Variants in HFM1 observed in about 807,000 individuals in gnomAD.
The protein encoded by HFM1 is probable ATP-dependent DNA helicase HFM1.
A neutral mutation model predicts 192.1 loss-of-function variants in HFM1; 169 were observed. The observed-to-expected ratio is 0.88, with a 90% CI of 0.78 to 1.00. HFM1 has a LOEUF of 1.00. HFM1 is among the 50% of genes least tolerant of loss of function. The pLI, the probability that HFM1 is intolerant of heterozygous loss-of-function variation, is 0.00. For synonymous variants in HFM1, 525 were observed against 537.8 expected, an observed-to-expected ratio of 0.98 and a Z score of 0.33; for missense variants, 1,661 against 1,668.0, an observed-to-expected ratio of 1.00 and a Z score of 0.07.
intron 30 of HFM1, among the ~76,000 whole-genome samples, chr1:91,281,052 A>G (rs1667417155): frequency 6.6e-6 from 1 of 152,212 alleles, no homozygotes; most frequent in African/African-American, 2.4e-5. Flanking sequence ...AGGGGGCACA[A>G]TCAGATCTGC....
Position 91,273,815 on chromosome 1 carries a change from C to A in HFM1, c.3669G>T (p.Arg1223Ser). 6.7e-7 allele frequency: 1 copy of A among 1,485,802 alleles called. No individual in the cohort carries two copies. Among genetic ancestry groups the A allele is most frequent in the Non-Finnish European group, 9.3e-7 (1 of 1,072,092 alleles). The allele number at this position is 1,485,802 out of a possible 1,614,324, so 92.0% of individuals were successfully genotyped here. The change falls in exon 34 of 39, where the codon AGG becomes AGT. Residue 1223 changes from arginine to serine, a missense_variant and splice_region_variant. Coordinates refer to ENST00000370425, the MANE Select transcript of HFM1 (RefSeq NM_001017975.6). ...TPKPSLPSIS[R>S]SEYLNISELP... ...ATTCAGATATGTTTAAATATTCTGA[C>A]CTTTATAAAGATAAAACCATGAAAA...
intron 1 of HFM1, 73 bp from the exon 2 acceptor site, chr1:91,401,182 A>C: frequency 1.5e-6 from 1 of 686,238 alleles, no homozygotes; most frequent in Non-Finnish European, 2.4e-6. Context: ...ATAATCACTA[A>C]TTTTCCACAG....
intron 21 of HFM1, 85 bp downstream of exon 21, chr1:91,324,590 T>C: frequency 1.5e-6 from 1 of 674,114 alleles, no homozygotes; most frequent in Non-Finnish European, 2.6e-6. Context: ...TCTTAAATTA[T>C]ATGAGATACA....
intron 18 of HFM1, among the ~76,000 whole-genome samples, chr1:91,348,986 T>C (rs1315490860): frequency 1.3e-5 from 2 of 150,538 alleles, no homozygotes; most frequent in East Asian, 2.0e-4. Flanking sequence ...ATAATGGAGG[T>C]TTAAAAAAAT....
rs1571166569 is a variant in HFM1, at chr1:91,375,643, C to G, written c.1480G>C (p.Val494Leu). ...ESHRPVKLQK[V>L]VLGFPCSSNQ... Reference sequence around the variant, plus strand: ...CTACTGCAGGGAAATCCAAGGACCACTTTCTGAAGTTTCACTGGTCTATGG... The same window carrying G: ...CTACTGCAGGGAAATCCAAGGACCAGTTTCTGAAGTTTCACTGGTCTATGG... The change falls in exon 12 of 39, where the codon GTG (valine) becomes CTG (leucine). Residue 494 changes from valine (V) to leucine (L), a missense_variant. Val to Leu is a conservative substitution (Grantham distance 32). Coordinates refer to ENST00000370425, the MANE Select transcript of HFM1 (RefSeq NM_001017975.6). 7 of 1,613,404 alleles carry G rather than the reference C, an allele frequency of 4.3e-6. No homozygotes were observed. In the East Asian group the frequency reaches 1.6e-4, roughly 36 times the overall value.
At chr1:91,316,750 G>A (rs1651285917) in intron 25 of HFM1, among the ~76,000 whole-genome samples, 2 of 152,162 alleles carry the variant, frequency 1.3e-5, no homozygotes, top group South Asian at 4.2e-4. Context: ...TCTACTATAC[G>A]TCATCCATAG....
intron 20 of HFM1, among the ~76,000 whole-genome samples, chr1:91,338,414 A>G (rs977040733): frequency 2.0e-5 from 3 of 152,302 alleles, no homozygotes; most frequent in Non-Finnish European, 4.4e-5. Flanking sequence ...CCTGACTGCC[A>G]GCCTCTTCTG....
chr1:91,328,460 T>C (rs1653268893), intron 20 of HFM1: 1 of 1,613,230 alleles, frequency 6.2e-7, no homozygotes, highest in Admixed American at 1.7e-5. Context: ...AAGAGCTACT[T>C]TGGCCGTAAG....
chr1:91,309,231 C>T (rs967930935), intron 30 of HFM1, among the ~76,000 whole-genome samples: 20 of 152,202 alleles, frequency 1.3e-4, no homozygotes, highest in African/African-American at 3.9e-4. Context: ...TGTCTGTTAA[C>T]TGCTCCCCTT....
chr1:91,298,502 G>T (rs1001751686), intron 30 of HFM1, among the ~76,000 whole-genome samples: 2 of 77,222 alleles, frequency 2.6e-5, no homozygotes, highest in Non-Finnish European at 5.1e-5. Flanking sequence ...CACCAAAGTT[G>T]AAATGAAGGA....
chr1:91,310,723 G>A (rs10923009), intron 30 of HFM1, among the ~76,000 whole-genome samples: 30,319 of 152,074 alleles, frequency 0.2, 3,442 homozygotes, highest in Non-Finnish European at 0.26. Flanking sequence ...GTTTATCAAG[G>A]GTTTCTGCTT....
chr1:91,328,275 G>T (rs574026111), intron 20 of HFM1: 3 of 831,014 alleles, frequency 3.6e-6, no homozygotes, highest in Admixed American at 3.3e-5. Context: ...GCTAAGCTGA[G>T]GGGGGAAAGT....
intron 13 of HFM1, among the ~76,000 whole-genome samples, chr1:91,353,708 G>A (rs1182403452): frequency 2.1e-5 from 3 of 139,912 alleles, no homozygotes; most frequent in African/African-American, 7.9e-5. Flanking sequence ...AGTGCTCTGA[G>A]ACATGGCATT....
At chr1:91,351,486 T>A (rs1017727328) in intron 17 of HFM1, 63 bp downstream of exon 17, 11 of 869,090 alleles carry the variant, frequency 1.3e-5, no homozygotes, top group Non-Finnish European at 2.0e-5. Context: ...TTTGATATTT[T>A]AAAAGGAAAT....
intron 30 of HFM1, among the ~76,000 whole-genome samples, chr1:91,305,468 T>G (rs1649460870): frequency 6.6e-6 from 1 of 152,228 alleles, no homozygotes; most frequent in Non-Finnish European, 1.5e-5. Flanking sequence ...TTCAGTGATA[T>G]TTCTAAACAT....
chr1:91,328,205 T>C (rs1241649717), intron 20 of HFM1, among the ~76,000 whole-genome samples: 1 of 152,112 alleles, frequency 6.6e-6, no homozygotes, highest in Non-Finnish European at 1.5e-5. Flanking sequence ...GTTAACAAAA[T>C]TGACAAACCT....
chr1:91,348,698 T>C (rs568653927), intron 18 of HFM1, among the ~76,000 whole-genome samples: 7 of 151,766 alleles, frequency 4.6e-5, no homozygotes, highest in South Asian at 4.2e-4. Context: ...AATCAGAGGA[T>C]TGCTTGAGCC....
intron 20 of HFM1, among the ~76,000 whole-genome samples, chr1:91,338,688 C>A (rs1654926113): frequency 6.6e-6 from 1 of 152,184 alleles, no homozygotes. Context: ...GGTGCACGGA[C>A]CTTGTCACCA....
At chr1:91,362,566 A>T (rs904017639) in intron 13 of HFM1, among the ~76,000 whole-genome samples, 1 of 152,238 alleles carries the variant, frequency 6.6e-6, no homozygotes, top group African/African-American at 2.4e-5. Flanking sequence ...ATAGAGAAAC[A>T]TTCCATGCTC....
Sources: allele counts gnomAD v4.1 joint callset (sites outside exome capture counted in the v4.1 genomes callset), GRCh38; gene constraint gnomAD v4.1.1; transcripts MANE v1.5; gene names NCBI Gene and HGNC (gene_info 2026-07-23, HGNC 2026-07-21).